The following TMEM178B variants were observed in gnomAD, a reference collection of about 807,000 sequenced individuals.
TMEM178B encodes the protein transmembrane protein 178B.
In TMEM178B, 5 loss-of-function variants were observed where a neutral mutation model predicts 31.0. That is an observed-to-expected ratio of 0.16 (90% CI 0.08 to 0.34). The LOEUF (loss-of-function observed/expected upper bound fraction) is 0.34, where lower values mean the gene tolerates loss of function less well. Ranked by LOEUF, TMEM178B falls within the 10% of genes least tolerant of loss-of-function variation. TMEM178B has a pLI of 1.00. For synonymous variants in TMEM178B, 164 were observed against 164.0 expected (o/e 1.00, Z 0.00); for missense variants, 275 against 400.3 (o/e 0.69, Z 2.67).
At chr7:141,179,001 C>T (rs1467838009) in intron 1 of TMEM178B, among the ~76,000 whole-genome samples, 1 of 152,154 alleles carries the variant, frequency 6.6e-6, no homozygotes, top group African/African-American at 2.4e-5. Context: ...TTTGGGTTCT[C>T]AGCTGACTTT....
chr7:141,315,622 T>G (rs745561690), intron 2 of TMEM178B, among the ~76,000 whole-genome samples: 2 of 152,230 alleles, frequency 1.3e-5, no homozygotes, highest in South Asian at 2.1e-4. Flanking sequence ...CTGGTATCTT[T>G]TGCATCTTTT....
intron 1 of TMEM178B, among the ~76,000 whole-genome samples, chr7:141,082,156 G>A (rs1356309093): frequency 1.3e-5 from 2 of 152,158 alleles, no homozygotes; most frequent in African/African-American, 2.4e-5. Context: ...CGACAAAATC[G>A]CCTAACGATG....
chr7:141,238,103 A>G (rs1292511620), intron 2 of TMEM178B, among the ~76,000 whole-genome samples: 1 of 152,010 alleles, frequency 6.6e-6, no homozygotes, highest in Non-Finnish European at 1.5e-5. Flanking sequence ...CCCAGTCCCA[A>G]GCACAGACTG....
At chr7:141,152,669 C>G (rs1795996360) in intron 1 of TMEM178B, among the ~76,000 whole-genome samples, 1 of 152,152 alleles carries the variant, frequency 6.6e-6, no homozygotes, top group African/African-American at 2.4e-5. Flanking sequence ...GCTCTCTCGT[C>G]CAGTGGTTCA....
intron 1 of TMEM178B, among the ~76,000 whole-genome samples, chr7:141,174,206 T>C (rs1796390580): frequency 6.6e-6 from 1 of 151,908 alleles, no homozygotes; most frequent in Non-Finnish European, 1.5e-5. Flanking sequence ...AGTGAGAACA[T>C]GTGGTGTTTG....
At chr7:141,260,308 G>A (rs1797991322) in intron 2 of TMEM178B, among the ~76,000 whole-genome samples, 3 of 152,162 alleles carry the variant, frequency 2.0e-5, no homozygotes, top group Admixed American at 6.5e-5. Flanking sequence ...GGAAGAGGTG[G>A]GTGGGAACAT....
chr7:141,111,618 G>A (rs1023088533), intron 1 of TMEM178B, among the ~76,000 whole-genome samples: 2 of 152,190 alleles, frequency 1.3e-5, no homozygotes, highest in Non-Finnish European at 2.9e-5. Context: ...TCTTGTCTCA[G>A]CTGTGAAGCC....
chr7:141,080,074 A>G (rs972288231), intron 1 of TMEM178B, among the ~76,000 whole-genome samples: 2 of 152,250 alleles, frequency 1.3e-5, no homozygotes, highest in African/African-American at 4.8e-5. Context: ...TGGAATCTCA[A>G]TTCTAAATTG....
intron 2 of TMEM178B, among the ~76,000 whole-genome samples, chr7:141,371,344 T>C (rs1800112467): frequency 6.6e-6 from 1 of 152,012 alleles, no homozygotes; most frequent in Admixed American, 6.5e-5. Context: ...TCCTCTTTTG[T>C]CAAATGATCT....
chr7:141,126,354 G>T (rs1795496750), intron 1 of TMEM178B, among the ~76,000 whole-genome samples: 1 of 152,198 alleles, frequency 6.6e-6, no homozygotes. Context: ...GCTGGGACTG[G>T]TTTGTGAAAA....
intron 2 of TMEM178B, among the ~76,000 whole-genome samples, chr7:141,324,410 ACCAGGGTTTTTTTTTTTTTTTTTT>A: frequency 8.0e-6 from 1 of 124,318 alleles, no homozygotes; most frequent in Non-Finnish European, 1.6e-5. Context: ...AAGAGAGGAG[ACCAGGGTTTTTTTTTTTTTTTTTT>A]TTTTTTTTTT....
At chr7:141,386,730 CG>C (rs1800437832) in intron 2 of TMEM178B, among the ~76,000 whole-genome samples, 1 of 152,128 alleles carries the variant, frequency 6.6e-6, no homozygotes, top group South Asian at 2.1e-4. Flanking sequence ...GCGTTATCTT[CG>C]GCCTGTCCTT....
At chr7:141,399,183 C>T (rs1800709793) in intron 2 of TMEM178B, among the ~76,000 whole-genome samples, 12 of 152,254 alleles carry the variant, frequency 7.9e-5, no homozygotes, top group South Asian at 2.1e-4. Context: ...AGATGCCTAT[C>T]ACACATCCCC....
chr7:141,173,736 A>G (rs926225262), intron 1 of TMEM178B, among the ~76,000 whole-genome samples: 4 of 152,144 alleles, frequency 2.6e-5, no homozygotes, highest in African/African-American at 7.2e-5. Flanking sequence ...CAAGTTTGCC[A>G]TGGGTGGGGG....
chr7:141,302,813 G>A (rs774233958), intron 2 of TMEM178B, among the ~76,000 whole-genome samples: 5 of 152,124 alleles, frequency 3.3e-5, no homozygotes, highest in Admixed American at 6.6e-5. Context: ...AGATTTCTCT[G>A]TCCTGACAGA....
intron 1 of TMEM178B, among the ~76,000 whole-genome samples, chr7:141,144,862 A>C (rs1204918518): frequency 6.6e-6 from 1 of 152,108 alleles, no homozygotes; most frequent in Non-Finnish European, 1.5e-5. Context: ...GGCCCACAAC[A>C]CCGACGTTGC....
chr7:141,197,673 C>T (rs1796805910), intron 1 of TMEM178B, among the ~76,000 whole-genome samples: 1 of 152,136 alleles, frequency 6.6e-6, no homozygotes, highest in Non-Finnish European at 1.5e-5. Flanking sequence ...CACTGTCTTG[C>T]CTAGGCTGGA....
At chr7:141,465,513 C>A (rs1408243929) in intron 3 of TMEM178B, among the ~76,000 whole-genome samples, 2 of 152,164 alleles carry the variant, frequency 1.3e-5, no homozygotes, top group East Asian at 3.9e-4. Flanking sequence ...TATGTCTCCC[C>A]TTTGTCCCCC....
intron 1 of TMEM178B, among the ~76,000 whole-genome samples, chr7:141,165,205 G>A (rs1796239418): frequency 6.6e-6 from 1 of 151,882 alleles, no homozygotes; most frequent in South Asian, 2.1e-4. Flanking sequence ...TTGGCTCCAG[G>A]ATCCAATCCT....
Sources: gnomAD v4.1 joint callset for allele counts (sites outside exome capture counted in the v4.1 genomes callset) on GRCh38, gnomAD v4.1.1 for gene constraint, MANE v1.5 for transcripts, NCBI Gene and HGNC (gene_info 2026-07-23, HGNC 2026-07-21) for gene names.